Variants in ABCA12 observed in about 807,000 individuals in gnomAD.
The protein encoded by ABCA12 is ATP binding cassette subfamily A member 12.
In ABCA12, 156 loss-of-function variants were observed where a neutral mutation model predicts 293.5. The ratio of observed to expected loss-of-function variants is 0.53; its 90% CI spans 0.47 to 0.61. The LOEUF is 0.61. ABCA12 is among the 20% of genes least tolerant of loss of function. The probability of loss-of-function intolerance (pLI) is 0.00; values close to 1 mark genes in which losing one functional copy is unlikely to be tolerated. For synonymous variants in ABCA12, 1,063 were observed against 1,108.0 expected (o/e 0.96, Z 0.81); for missense variants, 2,797 against 3,090.2 (o/e 0.91, Z 2.25).
At chr2:215,092,812 C>A (rs1028338803) in intron 2 of ABCA12, among the ~76,000 whole-genome samples, 5 of 152,128 alleles carry the variant, frequency 3.3e-5, no homozygotes, top group African/African-American at 1.2e-4. Context: ...CCTCCACAAC[C>A]CATTATTCTG....
At chr2:215,051,609 AGTGTGT>A (rs3050094) in intron 5 of ABCA12, among the ~76,000 whole-genome samples, 14,726 of 121,398 alleles carry the variant, frequency 0.12, 2,274 homozygotes, top group African/African-American at 0.36. Flanking sequence ...TAAAAACGCT[AGTGTGT>A]GTGTGTGTGT....
chr2:215,102,635 G>A (rs1313192323), intron 2 of ABCA12, among the ~76,000 whole-genome samples: 2 of 152,096 alleles, frequency 1.3e-5, no homozygotes, highest in African/African-American at 2.4e-5. Flanking sequence ...TTTTGGTTTG[G>A]ACCAAACAGC....
At chr2:215,134,426 G>GTATATGTGTATATATGTATATATGTACA in intron 1 of ABCA12, among the ~76,000 whole-genome samples, 1 of 140,198 alleles carries the variant, frequency 7.1e-6, no homozygotes, top group African/African-American at 2.8e-5. Flanking sequence ...GTACATATAT[G>GTATATGTGTATATATGTATATATGTACA]TATATGTGTA....
chr2:214,981,055 CA>C (rs1337337114), intron 30 of ABCA12, among the ~76,000 whole-genome samples: 1 of 148,868 alleles, frequency 6.7e-6, no homozygotes, highest in Non-Finnish European at 1.5e-5. Context: ...CACTGCACTC[CA>C]GCCTGGGTGA....
At position 214,958,380 on chromosome 2, in the gene ABCA12, A is replaced by C; in HGVS notation, c.6014T>G (p.Val2005Gly). Residue 2005 changes from valine to glycine, a missense_variant, in exon 41 of 53, where the codon GTC (valine) becomes GGC (glycine). By Grantham distance (109) the Val-to-Gly change is moderately radical. Coordinates refer to ENST00000272895, the MANE Select transcript of ABCA12 (RefSeq NM_173076.3). ...TTGATGTTCCCTTACAACATAGGTGACAAAGCTGGCGGTGGTGACAGAGTA... is the reference window on the plus strand; with the variant it reads ...TTGATGTTCCCTTACAACATAGGTGCCAAAGCTGGCGGTGGTGACAGAGTA... The part of the protein sequence containing the change: ...MGYSVTTASF[V>G]TYVVREHQTK... The C allele has an allele frequency of 6.2e-7, 1 of 1,614,058 alleles. No individual in the cohort carries two copies. The highest frequency in any genetic ancestry group is 8.5e-7 in the Non-Finnish European group (1 of 1,179,934).
intron 23 of ABCA12, among the ~76,000 whole-genome samples, chr2:214,993,566 A>G (rs1699972091): frequency 6.6e-6 from 1 of 152,154 alleles, no homozygotes; most frequent in Admixed American, 6.5e-5. Context: ...TTTTATGCCT[A>G]TTTGAATATA....
At chr2:215,096,579 C>T (rs945532185) in intron 2 of ABCA12, among the ~76,000 whole-genome samples, 1 of 152,190 alleles carries the variant, frequency 6.6e-6, no homozygotes, top group Non-Finnish European at 1.5e-5. Context: ...TCCCCCAAAT[C>T]CAGTCTCTAC....
At chr2:214,947,388 A>G (rs1698615645) in intron 48 of ABCA12, 34 bp downstream of exon 48, 1 of 1,613,314 alleles carries the variant, frequency 6.2e-7, no homozygotes, top group Non-Finnish European at 8.5e-7. Context: ...TGTTCTAATT[A>G]TGGAGTGGCC....
intron 5 of ABCA12, 122 bp downstream of exon 5, chr2:215,052,365 C>A (rs1701335995): frequency 1.3e-6 from 1 of 778,688 alleles, no homozygotes; most frequent in African/African-American, 1.7e-5. Context: ...AAAGAAGTTG[C>A]CTGAGATATT....
intron 51 of ABCA12, among the ~76,000 whole-genome samples, chr2:214,936,633 G>C (rs1698228314): frequency 6.6e-6 from 1 of 152,134 alleles, no homozygotes; most frequent in South Asian, 2.1e-4. Flanking sequence ...ATATCTGTGT[G>C]TGTCCATCCC....
chr2:214,937,558 C>T lies in ABCA12; in HGVS notation c.7494G>A (p.Glu2498=). ...GCAGCTGCATGAACTTTGTGAGGGT[C>T]TCCATGGTCACTTTGTTATTCTTCA... The part of the protein sequence containing the change: ...VHLKNNKVTM[E]TLTKFMQLHF... The change falls in exon 51 of 53, where the codon GAG becomes GAA. Residue 2498 remains glutamate, a synonymous_variant. Transcript: ENST00000272895. 6.2e-7 allele frequency: 1 copy of T among 1,613,950 alleles called. No individual in the cohort carries two copies. Among genetic ancestry groups the T allele is most frequent in the Non-Finnish European group, 8.5e-7 (1 of 1,179,912 alleles).
intron 20 of ABCA12, 150 bp from the exon 21 acceptor site, chr2:215,001,887 A>G: frequency 2.8e-6 from 2 of 711,822 alleles, no homozygotes; most frequent in South Asian, 2.0e-5. Flanking sequence ...AGTATTCTAC[A>G]CCAAAGAAAA....
intron 2 of ABCA12, among the ~76,000 whole-genome samples, chr2:215,081,429 A>G (rs1701934538): frequency 7.0e-6 from 1 of 143,876 alleles, no homozygotes; most frequent in South Asian, 2.3e-4. Context: ...CAGTGAGCTG[A>G]GATCGTGCCA....
chr2:215,009,074 T>A (rs532611877), intron 18 of ABCA12, among the ~76,000 whole-genome samples: 8 of 152,258 alleles, frequency 5.3e-5, no homozygotes, highest in African/African-American at 1.9e-4. Flanking sequence ...TGAATCAACC[T>A]ACATCCCTAA....
rs772160019 is a variant in ABCA12 at position 214,934,230 on chromosome 2, G to A, written c.7543-15C>T. 2.5e-6 allele frequency: 4 copies of A among 1,613,442 alleles called. No individual in the cohort carries two copies. The highest frequency in any genetic ancestry group is 1.3e-5 in the African/African-American group (1 of 74,960). Reference sequence around the variant, plus strand: ...AGGTGCTGATCCTGTGGGAACCAAAGGAAAAAAGTTTATTTTGCAATGTCT... The same window carrying A: ...AGGTGCTGATCCTGTGGGAACCAAAAGAAAAAAGTTTATTTTGCAATGTCT... On this transcript the variant is annotated splice_polypyrimidine_tract_variant and intron_variant, in intron 51 of 52. Transcript: ENST00000272895.
At position 214,951,015 on chromosome 2, in the gene ABCA12, GC is replaced by G; in HGVS notation, c.6715del (p.Ala2239LeufsTer4). ...ACCACTCTCAACTCTTAATCTCTCA[GC>G]CCGCACATCTTCATCCTCATCTATT... Reference protein sequence around the residue: ...ETIDEDEDVRAERLRVESGAA... With the variant: ...ETIDEDEDVRXERLRVESGAA... On this transcript the variant is annotated frameshift_variant, in exon 45 of 53. Transcript: ENST00000272895. LOFTEE classifies it high-confidence loss of function. The G allele has an allele frequency of 1.2e-6, 2 of 1,614,090 alleles. No homozygotes were observed. Among genetic ancestry groups the G allele is most frequent in the Non-Finnish European group, 1.7e-6 (2 of 1,179,998 alleles).
At chr2:215,064,301 A>G in intron 2 of ABCA12, 82 bp from the exon 3 acceptor site, 4 of 1,415,636 alleles carry the variant, frequency 2.8e-6, no homozygotes, top group East Asian at 2.5e-5. Context: ...CCACTTTGTG[A>G]AGTTAACCTC....
rs561906402 is a variant in ABCA12, at chr2:215,047,726, C to T, written c.694-1711G>A. Among the ~76,000 whole-genome samples the T allele has an allele frequency of 3.3e-5, 5 of 152,258 alleles. No homozygotes were observed. The East Asian group carries it at 7.7e-4, about 24-fold the overall frequency. ...CCCAAATTATAAAAACCCTGGAAGA[C>T]AGCCTAGGCAACACAATTCTAGACA... On this transcript the variant is annotated intron_variant, in intron 6 of 52. Transcript: ENST00000272895.
chr2:215,091,842 G>A (rs797021336), intron 2 of ABCA12, among the ~76,000 whole-genome samples: 3 of 149,948 alleles, frequency 2.0e-5, no homozygotes, highest in Non-Finnish European at 3.0e-5. Flanking sequence ...CCTCCAGGAC[G>A]TCCTCCCCCA....
Sources: allele counts gnomAD v4.1 joint callset (sites outside exome capture counted in the v4.1 genomes callset), GRCh38; gene constraint gnomAD v4.1.1; transcripts MANE v1.5; gene names NCBI Gene and HGNC (gene_info 2026-07-23, HGNC 2026-07-21).